Variants in CAST observed in about 807,000 individuals in gnomAD.
CAST encodes MIR583 host.
A neutral mutation model predicts 119.6 loss-of-function variants in CAST; 76 were observed. That is an observed-to-expected ratio of 0.64 (90% CI 0.53 to 0.77). The LOEUF (loss-of-function observed/expected upper bound fraction) is 0.77, where lower values mean the gene tolerates loss of function less well. CAST is among the 30% of genes least tolerant of loss of function. The pLI, the probability that CAST is intolerant of heterozygous loss-of-function variation, is 0.00. For missense variants in CAST, 953 were observed against 946.5 expected, an observed-to-expected ratio of 1.01 and a Z score of -0.09; for synonymous variants, 319 against 331.6, an observed-to-expected ratio of 0.96 and a Z score of 0.41.
the CAST span, among the ~76,000 whole-genome samples, chr5:96,082,253 G>A: frequency 0.015 from 2,272 of 152,288 alleles, 45 homozygotes; most frequent in African/African-American, 0.052. Flanking sequence ...TGCAAGTGCT[G>A]ACACAGAGGA....
chr5:96,074,556 T>A, the CAST span, among the ~76,000 whole-genome samples: 4 of 152,194 alleles, frequency 2.6e-5, no homozygotes, highest in Non-Finnish European at 5.9e-5. Flanking sequence ...TAAATTGCTG[T>A]TGTTTAAGGC....
chr5:96,402,456 G>C, the CAST span, among the ~76,000 whole-genome samples: 4 of 152,116 alleles, frequency 2.6e-5, no homozygotes, highest in African/African-American at 4.8e-5. Flanking sequence ...GAGAGGAGGG[G>C]AAACATCTAG....
chr5:96,757,379 C>A, intron 22 of CAST, 65 bp from the exon 23 acceptor site: 1 of 1,413,010 alleles, frequency 7.1e-7, no homozygotes, highest in Non-Finnish European at 1.0e-6. Flanking sequence ...GTAATGTTTA[C>A]AAGGTTTCAT....
chr5:96,561,796 G>GTTTTTTTTTTTTTTTTTTTTTTTTT (rs11375615), intron 1 of CAST, among the ~76,000 whole-genome samples: 2 of 97,422 alleles, frequency 2.1e-5, no homozygotes, highest in Non-Finnish European at 3.8e-5. Context: ...GTTTTTTTTT[G>GTTTTTTTTTTTTTTTTTTTTTTTTT]TTTTTTTTTT....
the CAST span, among the ~76,000 whole-genome samples, chr5:96,031,099 T>C: frequency 6.6e-6 from 1 of 152,262 alleles, no homozygotes; most frequent in Admixed American, 6.5e-5. Flanking sequence ...TATCATGTGG[T>C]GATACTATTT....
chr5:96,615,591 C>T (rs941092606), intron 1 of CAST, among the ~76,000 whole-genome samples: 1 of 152,172 alleles, frequency 6.6e-6, no homozygotes, highest in Non-Finnish European at 1.5e-5. Context: ...CTCCACCACG[C>T]CAGGCCCCAG....
intron 1 of CAST, among the ~76,000 whole-genome samples, chr5:96,588,858 G>T (rs926189953): frequency 6.6e-6 from 1 of 152,102 alleles, no homozygotes; most frequent in Admixed American, 6.5e-5. Flanking sequence ...TATAGAAAAA[G>T]CTCCACCTAC....
chr5:96,138,778 G>C, the CAST span, among the ~76,000 whole-genome samples: 2 of 151,902 alleles, frequency 1.3e-5, no homozygotes, highest in African/African-American at 2.4e-5. Flanking sequence ...CTTTTATACA[G>C]AAAAAGAATT....
chr5:96,189,276 G>T, the CAST span, among the ~76,000 whole-genome samples: 2 of 152,210 alleles, frequency 1.3e-5, no homozygotes, highest in Admixed American at 1.3e-4. Flanking sequence ...ATTTGGTGAG[G>T]GGGAGGGCTA....
At chr5:96,508,391 G>A in the CAST span, among the ~76,000 whole-genome samples, 1 of 152,112 alleles carries the variant, frequency 6.6e-6, no homozygotes, top group South Asian at 2.1e-4. Context: ...AGAGTACCTA[G>A]TACTTCATAT....
At chr5:96,534,056 T>C (rs1393545364) in intron 1 of CAST, among the ~76,000 whole-genome samples, 1 of 152,206 alleles carries the variant, frequency 6.6e-6, no homozygotes, top group East Asian at 1.9e-4. Flanking sequence ...AAATTAGAAT[T>C]TTGGAATATT....
intron 1 of CAST, among the ~76,000 whole-genome samples, chr5:96,577,241 G>A (rs924428723): frequency 6.6e-6 from 1 of 150,678 alleles, no homozygotes; most frequent in African/African-American, 2.4e-5. Context: ...TTATCTTGTA[G>A]GATTTGTAAT....
chr5:96,534,875 GAAAGA>G lies in CAST; in HGVS notation c.60+5003_60+5007del, dbSNP rs1183567802. Among the ~76,000 whole-genome samples, 399 of 136,358 alleles carry G rather than the reference GAAAGA, an allele frequency of 2.9e-3. 4 individuals are homozygous for G. Among genetic ancestry groups the G allele is most frequent in the African/African-American group, 9.2e-3 (339 of 36,990 alleles). The allele number at this position is 136,358 out of a possible 152,430, so 89.5% of individuals were successfully genotyped here. On this transcript the variant is annotated intron_variant, in intron 1 of 11. Coordinates refer to the CAST transcript ENST00000505143. ...AGGGAGGGAGGGAAGGAAGGAGAAA[GAAAGA>G]AAAGAAAGAAAGAAGGAAAGAAGGA... is the stretch of plus-strand genomic sequence containing the variant.
At chr5:95,981,334 C>T in the CAST span, among the ~76,000 whole-genome samples, 1 of 152,214 alleles carries the variant, frequency 6.6e-6, no homozygotes, top group Admixed American at 6.5e-5. Context: ...GGCCCTGGGC[C>T]TCCAGAACAA....
chr5:96,730,946 A>G, intron 9 of CAST, 86 bp downstream of exon 9: 1 of 1,017,628 alleles, frequency 9.8e-7, no homozygotes, highest in East Asian at 2.4e-5. Context: ...ATAACCTATC[A>G]TCTGGCAAAA....
chr5:95,994,901 T>G, the CAST span, among the ~76,000 whole-genome samples: 1 of 152,192 alleles, frequency 6.6e-6, no homozygotes, highest in Non-Finnish European at 1.5e-5. Flanking sequence ...AGTAATTTTC[T>G]GTGAGAATCA....
the CAST span, among the ~76,000 whole-genome samples, chr5:96,037,688 C>G: frequency 6.6e-6 from 1 of 151,980 alleles, no homozygotes; most frequent in Admixed American, 6.6e-5. Context: ...TCACAAAAAC[C>G]CCAACATTTA....
the CAST span, among the ~76,000 whole-genome samples, chr5:96,066,040 G>C: frequency 2.6e-5 from 4 of 152,162 alleles, no homozygotes. Context: ...TCCTGTTAAA[G>C]CTTTGTTAAG....
the CAST span, among the ~76,000 whole-genome samples, chr5:96,084,054 A>G: frequency 6.6e-6 from 1 of 152,232 alleles, no homozygotes; most frequent in Non-Finnish European, 1.5e-5. Context: ...GGTGCATAGT[A>G]AGAACTATAC....
Sources: allele counts gnomAD v4.1 joint callset (sites outside exome capture counted in the v4.1 genomes callset), GRCh38; gene constraint gnomAD v4.1.1; transcripts MANE v1.5; gene names NCBI Gene and HGNC (gene_info 2026-07-23, HGNC 2026-07-21).